Variants in TMEM144 observed in about 807,000 individuals in gnomAD.
TMEM144 encodes the protein transmembrane protein 144.
A neutral mutation model predicts 43.6 loss-of-function variants in TMEM144; 39 were observed. The observed-to-expected ratio is 0.90, with a 90% CI of 0.69 to 1.17. The LOEUF is 1.17. Among genes scored for constraint, TMEM144 ranks in the 50% most tolerant of loss-of-function variants. TMEM144 has a pLI of 0.00. For synonymous variants in TMEM144, 154 were observed against 133.6 expected, an observed-to-expected ratio of 1.15 and a Z score of -1.06; for missense variants, 417 against 411.9, an observed-to-expected ratio of 1.01 and a Z score of -0.11.
At chr4:158,226,735 T>C (rs1306511071) in intron 6 of TMEM144, among the ~76,000 whole-genome samples, 1 of 152,186 alleles carries the variant, frequency 6.6e-6, no homozygotes, top group Non-Finnish European at 1.5e-5. Context: ...ATAACATTTT[T>C]TCTCTTTCAC....
intron 6 of TMEM144, among the ~76,000 whole-genome samples, chr4:158,224,887 G>A (rs1734685727): frequency 6.6e-6 from 1 of 152,110 alleles, no homozygotes; most frequent in South Asian, 2.1e-4. Context: ...CTCAGAGGTT[G>A]GGCCTATTAG....
chr4:158,213,868 G>T (rs1441384724), intron 3 of TMEM144: 2 of 151,870 alleles, frequency 1.3e-5, no homozygotes, highest in East Asian at 3.9e-4. Flanking sequence ...ACTACCCGAA[G>T]AACAAAAAAA....
chr4:158,251,972 G>C (rs780088861), intron 12 of TMEM144, among the ~76,000 whole-genome samples: 7 of 152,054 alleles, frequency 4.6e-5, no homozygotes, highest in Non-Finnish European at 1.0e-4. Context: ...TCATTCAGGG[G>C]GAGCAGCCAG....
intron 12 of TMEM144, among the ~76,000 whole-genome samples, chr4:158,246,750 C>T (rs1359369511): frequency 6.6e-6 from 1 of 151,968 alleles, no homozygotes; most frequent in Non-Finnish European, 1.5e-5. Context: ...TGGTTATTAT[C>T]TCATGTAAGA....
chr4:158,226,393 T>C (rs947821562), intron 6 of TMEM144, among the ~76,000 whole-genome samples: 3 of 152,222 alleles, frequency 2.0e-5, no homozygotes, highest in African/African-American at 4.8e-5. Flanking sequence ...TGCTATGCTT[T>C]TATTTTAATG....
In TMEM144 at chr4:158,244,340, G is replaced by A. The variant is rs1394321597; in HGVS notation, c.945G>A (p.Lys315=). The change falls in exon 12 of 13, where the codon AAG becomes AAA. Residue 315 remains lysine (K), a synonymous_variant. Coordinates refer to ENST00000296529, the MANE Select transcript of TMEM144 (RefSeq NM_018342.5). ...CAATGTGGGGTATCTTCATGTTTAA[G>A]GAAATAAAGGTATGTACAAGAAAGG... The part of the protein sequence containing the change: ...IAAMWGIFMF[K]EIKGLQNYLL... The A allele has an allele frequency of 4.4e-6, 7 of 1,608,900 alleles. No homozygotes were observed. The highest frequency in any genetic ancestry group is 4.5e-5 in the East Asian group (2 of 44,572).
At chr4:158,240,827 G>A (rs1352317567) in intron 10 of TMEM144, among the ~76,000 whole-genome samples, 1 of 152,140 alleles carries the variant, frequency 6.6e-6, no homozygotes, top group Non-Finnish European at 1.5e-5. Flanking sequence ...AATGTAAGAA[G>A]AGATCGTGAT....
chr4:158,253,585 G>C lies in TMEM144; in HGVS notation c.*58G>C. On this transcript the variant is annotated 3_prime_UTR_variant, in exon 13 of 13. Coordinates refer to ENST00000296529, the MANE Select transcript of TMEM144 (RefSeq NM_018342.5). ...TAAGAGAACGCGTCTATCGGACAGCGGAGAGATCATGCTGAGAAAAGAGTG... is the reference window on the plus strand; with the variant it reads ...TAAGAGAACGCGTCTATCGGACAGCCGAGAGATCATGCTGAGAAAAGAGTG... The C allele has an allele frequency of 7.2e-7, 1 of 1,393,014 alleles. No homozygotes were observed. The highest frequency in any genetic ancestry group is 1.2e-5 in the South Asian group (1 of 84,278). 86.3% of individuals were successfully genotyped at this position (1,393,014 alleles called of 1,614,324 possible). A position where few individuals can be genotyped will look rare whatever the true frequency, so the allele number is the denominator to read the frequency against.
intron 3 of TMEM144, chr4:158,213,958 C>T (rs1375316597): frequency 6.6e-6 from 1 of 152,184 alleles, no homozygotes; most frequent in Non-Finnish European, 1.5e-5. Context: ...CTGCTGTTTT[C>T]AGTTTCTCAT....
chr4:158,222,488 C>G (rs1734556254), intron 6 of TMEM144, among the ~76,000 whole-genome samples: 1 of 152,170 alleles, frequency 6.6e-6, no homozygotes, highest in African/African-American at 2.4e-5. Flanking sequence ...TGAGATTGTT[C>G]CATCCCATGT....
chr4:158,251,907 AAAAT>A (rs142069357), intron 12 of TMEM144, among the ~76,000 whole-genome samples: 1 of 152,352 alleles, frequency 6.6e-6, no homozygotes, highest in Non-Finnish European at 1.5e-5. Flanking sequence ...TTTCACTAAA[AAAAT>A]AAATAAATTA....
At position 158,237,509 on chromosome 4, in the gene TMEM144, T is replaced by G. The variant is rs1371811131; in HGVS notation, c.564-16T>G. 2 of 1,579,252 alleles carry G rather than the reference T, an allele frequency of 1.3e-6. No homozygotes were observed. The highest frequency in any genetic ancestry group is 4.5e-5 in the East Asian group (2 of 44,646). ...GCTTTGAGCCAAGATTAATAGTGAT[T>G]TATTTGTTTTGTAAGGGGCTGCAGT... is the stretch of plus-strand genomic sequence containing the variant. On this transcript the variant is annotated splice_polypyrimidine_tract_variant and intron_variant, in intron 8 of 12. Transcript: ENST00000296529.
chr4:158,245,256 GTGTGTGTATGTA>G lies in TMEM144; in HGVS notation c.954+911_954+922del, dbSNP rs756631450. Among the ~76,000 whole-genome samples the G allele has an allele frequency of 4.2e-5, 4 of 95,902 alleles. 1 individual carries two copies. Among genetic ancestry groups the G allele is most frequent in the Non-Finnish European group, 6.3e-5 (3 of 47,592 alleles). The allele number at this position is 95,902 out of a possible 152,430, so 62.9% of individuals were successfully genotyped here. On this transcript the variant is annotated intron_variant, in intron 12 of 12. Transcript: ENST00000296529. ...TGTGTGTGTGTGTGTGTGTGTGTGT[GTGTGTGTATGTA>G]TGTTTTCTTTAAAAATCACTTTGCC...
chr4:158,213,879 T>C (rs1256142709), intron 3 of TMEM144: 1 of 152,068 alleles, frequency 6.6e-6, no homozygotes, highest in Non-Finnish European at 1.5e-5. Flanking sequence ...AACAAAAAAA[T>C]GGGTAGAGGA....
chr4:158,249,614 C>A (rs1000046253), intron 12 of TMEM144, among the ~76,000 whole-genome samples: 1 of 152,138 alleles, frequency 6.6e-6, no homozygotes. Context: ...GAACATTATT[C>A]TTCTGTCTAC....
chr4:158,220,536 T>A (rs1381338296), intron 6 of TMEM144, among the ~76,000 whole-genome samples: 1 of 152,234 alleles, frequency 6.6e-6, no homozygotes, highest in Non-Finnish European at 1.5e-5. Flanking sequence ...TTCTACCACT[T>A]CCACCTATGT....
rs558517278 is a variant in TMEM144 at position 158,215,102 on chromosome 4, A to G, written c.110-89A>G. The G allele has an allele frequency of 1.5e-5, 23 of 1,548,582 alleles. No individual in the cohort carries two copies. In the Admixed American group the frequency reaches 3.9e-4, roughly 26 times the overall value. ...ATATGGCATTTAATAAATTGTGGCCATTCCTGTAATATCACCTCATAGATA... is the reference window on the plus strand; with the variant it reads ...ATATGGCATTTAATAAATTGTGGCCGTTCCTGTAATATCACCTCATAGATA... On this transcript the variant is annotated intron_variant, in intron 3 of 12. Coordinates refer to ENST00000296529, the MANE Select transcript of TMEM144 (RefSeq NM_018342.5).
chr4:158,230,508 T>C lies in TMEM144; in HGVS notation c.414-2393T>C, dbSNP rs78423094. ...ATTGTTTATTAGAAAAACACACAGG[T>C]CTATACAGAGTAGAGGATTTTCGTT... On this transcript the variant is annotated intron_variant, in intron 6 of 12. Coordinates refer to ENST00000296529, the MANE Select transcript of TMEM144 (RefSeq NM_018342.5). Among the ~76,000 whole-genome samples, 291 of 152,262 alleles carry C rather than the reference T, an allele frequency of 1.9e-3. 9 individuals are homozygous for C. The East Asian group carries it at 0.052, about 27-fold the overall frequency.
intron 6 of TMEM144, among the ~76,000 whole-genome samples, chr4:158,220,665 G>A (rs529813918): frequency 5.5e-4 from 83 of 152,286 alleles, no homozygotes; most frequent in Middle Eastern, 6.8e-3. Flanking sequence ...TATGTTTAGT[G>A]CTTCATATAG....
Sources: gnomAD v4.1 joint callset for allele counts (sites outside exome capture counted in the v4.1 genomes callset) on GRCh38, gnomAD v4.1.1 for gene constraint, MANE v1.5 for transcripts, NCBI Gene and HGNC (gene_info 2026-07-23, HGNC 2026-07-21) for gene names.